SLC4A8: variants seen among roughly 807,000 people sequenced by gnomAD.
SLC4A8 encodes the protein solute carrier family 4 member 8.
Under a neutral mutation model 125.0 loss-of-function variants are expected in SLC4A8, and 40 were observed. The observed-to-expected ratio is 0.32, with a 90% CI of 0.25 to 0.42. The LOEUF (loss-of-function observed/expected upper bound fraction) is 0.42, where lower values mean the gene tolerates loss of function less well. Among genes scored for constraint, SLC4A8 ranks in the 10% least tolerant of loss-of-function variants. The pLI is 1.00. For synonymous variants in SLC4A8, 456 were observed against 476.0 expected, an observed-to-expected ratio of 0.96 and a Z score of 0.55; for missense variants, 863 against 1,355.1, an observed-to-expected ratio of 0.64 and a Z score of 5.70.
At chr12:51,454,190 A>T (rs571924559) in intron 5 of SLC4A8, among the ~76,000 whole-genome samples, 4 of 152,266 alleles carry the variant, frequency 2.6e-5, no homozygotes, top group African/African-American at 9.6e-5. Flanking sequence ...CCAATTATTC[A>T]AGAGGCTCAG....
chr12:51,470,936 T>C (rs1258697059), intron 13 of SLC4A8, among the ~76,000 whole-genome samples: 3 of 152,032 alleles, frequency 2.0e-5, no homozygotes, highest in Non-Finnish European at 4.4e-5. Flanking sequence ...AATTTTCCTA[T>C]ACAATCTTTT....
At chr12:51,427,180 T>C (rs1318337267) in intron 1 of SLC4A8, among the ~76,000 whole-genome samples, 4 of 152,018 alleles carry the variant, frequency 2.6e-5, no homozygotes, top group African/African-American at 7.2e-5. Context: ...CCTCGTGATC[T>C]GCCCGCCTCG....
chr12:51,489,078 C>T (rs1235927081), intron 18 of SLC4A8, among the ~76,000 whole-genome samples: 3 of 152,190 alleles, frequency 2.0e-5, no homozygotes, highest in Admixed American at 6.5e-5. Context: ...TCCTCTCACA[C>T]CTGTGGGGAA....
intron 16 of SLC4A8, among the ~76,000 whole-genome samples, chr12:51,476,236 C>T (rs1950850524): frequency 6.6e-6 from 1 of 152,188 alleles, no homozygotes; most frequent in African/African-American, 2.4e-5. Flanking sequence ...AATCCCAGCA[C>T]TTTGGGAGGC....
At chr12:51,494,848 C>G in intron 20 of SLC4A8, 97 bp from the exon 21 acceptor site, 2 of 895,998 alleles carry the variant, frequency 2.2e-6, no homozygotes, top group East Asian at 5.1e-5. Flanking sequence ...TGTTACCTAC[C>G]TTTCAGAGCA....
intron 1 of SLC4A8, 137 bp from the exon 2 acceptor site, chr12:51,440,571 T>C: frequency 1.6e-6 from 1 of 635,054 alleles, no homozygotes; most frequent in Non-Finnish European, 2.8e-6. Context: ...AAAGGTATTG[T>C]GAAGTTCACA....
intron 16 of SLC4A8, among the ~76,000 whole-genome samples, chr12:51,482,370 A>G (rs1951053423): frequency 6.6e-6 from 1 of 152,040 alleles, no homozygotes; most frequent in African/African-American, 2.4e-5. Context: ...AAAATTAGAC[A>G]TAGGGGTAAC....
intron 1 of SLC4A8, among the ~76,000 whole-genome samples, chr12:51,437,770 A>G (rs1024149252): frequency 6.6e-6 from 1 of 152,196 alleles, no homozygotes; most frequent in African/African-American, 2.4e-5. Flanking sequence ...GGGAAATGGC[A>G]TGTTAGATGA....
intron 12 of SLC4A8, 49 bp from the exon 13 acceptor site, chr12:51,470,343 C>T: frequency 1.3e-6 from 2 of 1,592,794 alleles, no homozygotes; most frequent in African/African-American, 1.3e-5. Flanking sequence ...GCCAACATTA[C>T]TCTGTACTGA....
chr12:51,401,192 T>C (rs1206198541), intron 1 of SLC4A8, among the ~76,000 whole-genome samples: 1 of 152,198 alleles, frequency 6.6e-6, no homozygotes, highest in Non-Finnish European at 1.5e-5. Context: ...GGGCGTGTGC[T>C]ACCGTGTGCT....
intron 1 of SLC4A8, among the ~76,000 whole-genome samples, chr12:51,404,824 C>G (rs1482516798): frequency 1.3e-5 from 2 of 150,728 alleles, no homozygotes; most frequent in Non-Finnish European, 2.9e-5. Context: ...TCCCTGCTTT[C>G]TTTCTTCCCT....
At chr12:51,420,373 T>C (rs1948762970), upstream of SLC4A8, among the ~76,000 whole-genome samples, 1 of 152,148 alleles carries the variant, frequency 6.6e-6, no homozygotes, top group African/African-American at 2.4e-5. Context: ...TTAAGATGCT[T>C]TTGATGAAAA....
intron 1 of SLC4A8, among the ~76,000 whole-genome samples, chr12:51,435,160 C>T (rs1949362076): frequency 6.6e-6 from 1 of 152,120 alleles, no homozygotes; most frequent in East Asian, 1.9e-4. Context: ...GTAAGATTAC[C>T]TCATGGGTGG....
chr12:51,489,667 A>G (rs761848121), intron 18 of SLC4A8, 33 bp from the exon 19 acceptor site: 71 of 1,612,714 alleles, frequency 4.4e-5, no homozygotes, highest in African/African-American at 8.0e-5. Context: ...CAGCTAGCCT[A>G]CTGATGGTGA....
At chr12:51,463,923 GT>G (rs1950432444) in intron 11 of SLC4A8, among the ~76,000 whole-genome samples, 1 of 152,150 alleles carries the variant, frequency 6.6e-6, no homozygotes, top group East Asian at 1.9e-4. Flanking sequence ...CACCTACCAT[GT>G]TTTGTCTCAC....
intron 22 of SLC4A8, among the ~76,000 whole-genome samples, chr12:51,501,172 A>G (rs529820111): frequency 1.6e-3 from 241 of 152,326 alleles, no homozygotes; most frequent in Non-Finnish European, 2.9e-3. Flanking sequence ...TTTCTAAAAA[A>G]AGTTATTTTA....
At chr12:51,474,065 C>A (rs1950791112) in intron 14 of SLC4A8, among the ~76,000 whole-genome samples, 1 of 152,008 alleles carries the variant, frequency 6.6e-6, no homozygotes, top group Non-Finnish European at 1.5e-5. Flanking sequence ...AACAAAACAA[C>A]CAATCAAGAC....
At chr12:51,409,403 T>C (rs562539898) in intron 1 of SLC4A8, among the ~76,000 whole-genome samples, 2 of 152,366 alleles carry the variant, frequency 1.3e-5, no homozygotes, top group African/African-American at 4.8e-5. Context: ...CTTTGTGTTA[T>C]AGGAAAGCTG....
At position 51,462,485 on chromosome 12, in the gene SLC4A8, T is replaced by C. The variant is rs367806542; in HGVS notation, c.1248+29T>C. 24 of 1,526,022 alleles carry C rather than the reference T, an allele frequency of 1.6e-5. No homozygotes were observed. In the African/African-American group the frequency reaches 3.2e-4, roughly 20 times the overall value. 94.5% of individuals were successfully genotyped at this position (1,526,022 alleles called of 1,614,324 possible). ...ATGTATGCACATCAGCCAATGTGGCTATTGTCACTTACTGACTGCCCACCA... is the reference window on the plus strand; with the variant it reads ...ATGTATGCACATCAGCCAATGTGGCCATTGTCACTTACTGACTGCCCACCA... On this transcript the variant is annotated intron_variant, in intron 10 of 24. Coordinates refer to ENST00000453097, the MANE Select transcript of SLC4A8 (RefSeq NM_001039960.3).
Sources: allele counts gnomAD v4.1 joint callset (sites outside exome capture counted in the v4.1 genomes callset), GRCh38; gene constraint gnomAD v4.1.1; transcripts MANE v1.5; gene names NCBI Gene and HGNC (gene_info 2026-07-23, HGNC 2026-07-21).